The following SUCLG2 variants were observed in gnomAD, a reference collection of about 807,000 sequenced individuals.
SUCLG2 encodes succinate--CoA ligase [GDP-forming] subunit beta, mitochondrial.
Under a neutral mutation model 47.9 loss-of-function variants are expected in SUCLG2, and 42 were observed. That is an observed-to-expected ratio of 0.88 (90% CI 0.69 to 1.14). SUCLG2 has a LOEUF of 1.14. SUCLG2 is among the 50% of genes most tolerant of loss of function. The pLI, the probability that SUCLG2 is intolerant of heterozygous loss-of-function variation, is 0.00. For synonymous variants in SUCLG2, 195 were observed against 197.3 expected (o/e 0.99, Z 0.10); for missense variants, 571 against 525.9 (o/e 1.09, Z -0.84).
intron 9 of SUCLG2, among the ~76,000 whole-genome samples, chr3:67,464,444 T>C (rs1704420778): frequency 6.6e-6 from 1 of 152,198 alleles, no homozygotes; most frequent in Admixed American, 6.5e-5. Flanking sequence ...ATCATGGCTA[T>C]GATTTTACAT....
chr3:67,491,796 T>TA (rs1379368304), intron 9 of SUCLG2, among the ~76,000 whole-genome samples: 1 of 152,248 alleles, frequency 6.6e-6, no homozygotes, highest in Non-Finnish European at 1.5e-5. Context: ...TTTTAAATGA[T>TA]ACTGTCATAT....
intron 2 of SUCLG2, among the ~76,000 whole-genome samples, chr3:67,532,830 A>T (rs7618449): frequency 0.53 from 79,968 of 152,052 alleles, 22,561 homozygotes; most frequent in Non-Finnish European, 0.63. Flanking sequence ...CAGCTGAATT[A>T]TAACAATGCT....
intron 8 of SUCLG2, 78 bp downstream of exon 8, chr3:67,498,056 A>G (rs1028201119): frequency 7.1e-6 from 10 of 1,417,706 alleles, no homozygotes; most frequent in Non-Finnish European, 9.6e-6. Flanking sequence ...CTTCTTGGTA[A>G]GTGACATTTC....
At chr3:67,626,082 C>G (rs570594509) in intron 1 of SUCLG2, among the ~76,000 whole-genome samples, 2 of 151,530 alleles carry the variant, frequency 1.3e-5, no homozygotes, top group East Asian at 3.9e-4. Context: ...TGCAGTGGCG[C>G]CATCTCAGCT....
At chr3:67,432,596 T>C (rs367995529) in intron 9 of SUCLG2, among the ~76,000 whole-genome samples, 2 of 152,314 alleles carry the variant, frequency 1.3e-5, no homozygotes, top group African/African-American at 4.8e-5. Flanking sequence ...CTGCCTATCC[T>C]TAGAAGCTTC....
At chr3:67,464,119 G>A (rs562544031) in intron 9 of SUCLG2, among the ~76,000 whole-genome samples, 1 of 152,284 alleles carries the variant, frequency 6.6e-6, no homozygotes, top group Admixed American at 6.5e-5. Flanking sequence ...ATTCCTTTTA[G>A]GAGTCCTCAA....
intron 10 of SUCLG2, among the ~76,000 whole-genome samples, chr3:67,383,618 T>C (rs1056409230): frequency 6.6e-5 from 10 of 152,226 alleles, no homozygotes; most frequent in Middle Eastern, 3.4e-3. Context: ...AGGAAGCCAA[T>C]GGCTAAGTTC....
In SUCLG2 at chr3:67,589,622, C is replaced by T. The variant is rs186186740; in HGVS notation, c.226+19833G>A. Among the ~76,000 whole-genome samples the T allele has an allele frequency of 2.6e-5, 4 of 152,304 alleles. No individual in the cohort carries two copies. The East Asian group carries it at 5.8e-4, about 22-fold the overall frequency. ...CCATGCACATTCCCCAGAAGTCTAC[C>T]GAAATGGCCCATTGTGGGCCTCTTT... is the stretch of plus-strand genomic sequence containing the variant. On this transcript the variant is annotated intron_variant, in intron 2 of 10. Transcript: ENST00000307227.
chr3:67,408,990 C>T (rs1298143001), intron 9 of SUCLG2: 1 of 1,535,416 alleles, frequency 6.5e-7, no homozygotes, highest in Non-Finnish European at 8.7e-7. Context: ...GCTTCTGAGT[C>T]CTGTATTCTG....
In SUCLG2 at chr3:67,518,149, C is replaced by T. The variant is rs900518623; in HGVS notation, c.660+98G>A. 9 of 971,190 alleles carry T rather than the reference C, an allele frequency of 9.3e-6. No homozygotes were observed. In the South Asian group the frequency reaches 1.1e-4, roughly 12 times the overall value. The allele number at this position is 971,190 out of a possible 1,614,324, so 60.2% of individuals were successfully genotyped here. A position where few individuals can be genotyped will look rare whatever the true frequency, so the allele number is the denominator to read the frequency against. Reference sequence around the variant, plus strand: ...AAAAATTATAAAACAATAAATAATCCTGTTTCCTGGTAATCACAAACACTA... The same window carrying T: ...AAAAATTATAAAACAATAAATAATCTTGTTTCCTGGTAATCACAAACACTA... On this transcript the variant is annotated intron_variant, in intron 6 of 10. Transcript: ENST00000307227.
chr3:67,418,875 TGAGA>T (rs1424599143), intron 9 of SUCLG2, among the ~76,000 whole-genome samples: 3 of 152,074 alleles, frequency 2.0e-5, no homozygotes, highest in Non-Finnish European at 4.4e-5. Flanking sequence ...AAAAAAGTAT[TGAGA>T]GAGAATTATC....
intron 10 of SUCLG2, among the ~76,000 whole-genome samples, chr3:67,362,179 C>G (rs899048650): frequency 6.6e-6 from 1 of 152,128 alleles, no homozygotes; most frequent in African/African-American, 2.4e-5. Flanking sequence ...CAACACTTCC[C>G]TGTTGCTCTC....
intron 9 of SUCLG2, among the ~76,000 whole-genome samples, chr3:67,435,282 C>T (rs6767651): frequency 0.46 from 69,838 of 151,930 alleles, 16,740 homozygotes; most frequent in Non-Finnish European, 0.54. Context: ...TTGAACAAAA[C>T]ATAGGAAGAA....
At chr3:67,381,523 C>T (rs115401631) in intron 10 of SUCLG2, among the ~76,000 whole-genome samples, 7,495 of 152,208 alleles carry the variant, frequency 0.049, 250 homozygotes, top group Middle Eastern at 0.12. Context: ...AAATTGATCT[C>T]CTTCCCACAT....
chr3:67,624,388 C>T (rs573007709), intron 1 of SUCLG2, among the ~76,000 whole-genome samples: 33 of 152,308 alleles, frequency 2.2e-4, no homozygotes, highest in Middle Eastern at 3.4e-3. Flanking sequence ...TTTAGAAAGA[C>T]ATTTCATTCT....
At chr3:67,381,870 T>C (rs962647279) in intron 10 of SUCLG2, among the ~76,000 whole-genome samples, 1 of 152,112 alleles carries the variant, frequency 6.6e-6, no homozygotes, top group Non-Finnish European at 1.5e-5. Flanking sequence ...TGCCACTGGG[T>C]GGAGTAAGAG....
chr3:67,518,464 T>G, intron 5 of SUCLG2, 128 bp from the exon 6 acceptor site: 2 of 816,442 alleles, frequency 2.4e-6, no homozygotes, highest in Non-Finnish European at 3.7e-6. Context: ...CAGAGATCTC[T>G]GAGCAGGGCT....
At chr3:67,379,100 C>A (rs1044748450) in intron 10 of SUCLG2, among the ~76,000 whole-genome samples, 1 of 152,116 alleles carries the variant, frequency 6.6e-6, no homozygotes, top group Admixed American at 6.5e-5. Flanking sequence ...GCAGTGGCCA[C>A]CTCTCCCAAC....
intron 10 of SUCLG2, among the ~76,000 whole-genome samples, chr3:67,388,873 G>T (rs921510229): frequency 3.3e-5 from 5 of 152,276 alleles, no homozygotes; most frequent in African/African-American, 9.6e-5. Context: ...GGATAGGTAA[G>T]AATTGAATCA....
Sources: allele counts gnomAD v4.1 joint callset (sites outside exome capture counted in the v4.1 genomes callset), GRCh38; gene constraint gnomAD v4.1.1; transcripts MANE v1.5; gene names NCBI Gene and HGNC (gene_info 2026-07-23, HGNC 2026-07-21).